PCGF5: variants seen among roughly 807,000 people sequenced by gnomAD.
PCGF5 encodes the protein polycomb group RING finger protein 5.
PCGF5 carries 9 observed loss-of-function variants against 44.3 expected under a neutral mutation model. The ratio of observed to expected loss-of-function variants is 0.20; its 90% CI spans 0.12 to 0.35. PCGF5 has a LOEUF of 0.35. PCGF5 is among the 10% of genes least tolerant of loss of function. The probability of loss-of-function intolerance (pLI) is 1.00; values close to 1 mark genes in which losing one functional copy is unlikely to be tolerated. For synonymous variants in PCGF5, 95 were observed against 102.5 expected (o/e 0.93, Z 0.44); for missense variants, 146 against 305.3 (o/e 0.48, Z 3.89).
At chr10:91,215,906 A>G (rs532017538), upstream of PCGF5, among the ~76,000 whole-genome samples, 2 of 152,350 alleles carry the variant, frequency 1.3e-5, no homozygotes, top group East Asian at 1.9e-4. Flanking sequence ...ATTTTAATTA[A>G]TAATCCAAGA....
chr10:91,179,096 A>G (rs976276103), intron 1 of PCGF5, among the ~76,000 whole-genome samples: 4 of 152,218 alleles, frequency 2.6e-5, no homozygotes, highest in Non-Finnish European at 4.4e-5. Flanking sequence ...CCTCTAGCCC[A>G]GGTAGATTAA....
In PCGF5 at chr10:91,256,681, A is replaced by G. The variant is rs1416646889; in HGVS notation, c.475-4645A>G. Among the ~76,000 whole-genome samples the G allele has an allele frequency of 2.6e-5, 4 of 152,126 alleles. No homozygotes were observed. In the East Asian group the frequency reaches 7.7e-4, roughly 29 times the overall value. ...ATTCAAAGACAAAGAGAGAATCTTG[A>G]AAGCAACAATATAAAAGTGACTCAT... On this transcript the variant is annotated intron_variant, in intron 6 of 9. Transcript: ENST00000336126.
At chr10:91,207,908 T>C (rs922063791) in intron 1 of PCGF5, among the ~76,000 whole-genome samples, 2 of 152,194 alleles carry the variant, frequency 1.3e-5, no homozygotes, top group Non-Finnish European at 2.9e-5. Flanking sequence ...CCATTATTAG[T>C]GCTGTTAGAT....
chr10:91,160,784 A>G (rs1843369639), upstream of PCGF5, among the ~76,000 whole-genome samples: 1 of 152,202 alleles, frequency 6.6e-6, no homozygotes, highest in Admixed American at 6.5e-5. Flanking sequence ...AAGGGCAAAG[A>G]GGGACAAGTA....
At chr10:91,272,271 T>C (rs1564658354) in intron 9 of PCGF5, among the ~76,000 whole-genome samples, 1 of 152,228 alleles carries the variant, frequency 6.6e-6, no homozygotes, top group Non-Finnish European at 1.5e-5. Context: ...GACAAGGGTA[T>C]AGTAAAGATT....
chr10:91,176,806 T>C (rs1025687828), intron 1 of PCGF5, among the ~76,000 whole-genome samples: 1 of 152,224 alleles, frequency 6.6e-6, no homozygotes, highest in African/African-American at 2.4e-5. Context: ...TAGCCATTCA[T>C]CTAATCTTTT....
At chr10:91,236,656 A>G (rs535969287) in intron 2 of PCGF5, among the ~76,000 whole-genome samples, 1 of 152,342 alleles carries the variant, frequency 6.6e-6, no homozygotes, top group African/African-American at 2.4e-5. Flanking sequence ...TACTGCTAGT[A>G]TGGACTTCAA....
intron 2 of PCGF5, among the ~76,000 whole-genome samples, chr10:91,223,984 G>A (rs1844749923): frequency 6.6e-6 from 1 of 151,798 alleles, no homozygotes. Flanking sequence ...TCGTTTTTCA[G>A]CTATTCTTGC....
chr10:91,182,022 G>C (rs1393240843), intron 1 of PCGF5, among the ~76,000 whole-genome samples: 1 of 152,120 alleles, frequency 6.6e-6, no homozygotes, highest in African/African-American at 2.4e-5. Context: ...AGTCTTTGGA[G>C]GGTGTATGTG....
At chr10:91,267,827 A>G (rs940967431) in intron 8 of PCGF5, among the ~76,000 whole-genome samples, 2 of 152,112 alleles carry the variant, frequency 1.3e-5, no homozygotes, top group African/African-American at 2.4e-5. Context: ...TTATTAGTCT[A>G]CCTATTGGCT....
upstream of PCGF5, among the ~76,000 whole-genome samples, chr10:91,160,368 G>T (rs557741060): frequency 5.9e-5 from 9 of 152,360 alleles, no homozygotes; most frequent in Non-Finnish European, 1.2e-4. Flanking sequence ...AGAACCGTCA[G>T]CAGTGTTGTT....
intron 5 of PCGF5, among the ~76,000 whole-genome samples, chr10:91,250,771 A>G (rs536088406): frequency 1.3e-5 from 2 of 151,920 alleles, no homozygotes; most frequent in African/African-American, 4.8e-5. Context: ...ATTAATAGCT[A>G]TATACATGTT....
At chr10:91,176,706 G>A (rs1843714510) in intron 1 of PCGF5, among the ~76,000 whole-genome samples, 1 of 152,148 alleles carries the variant, frequency 6.6e-6, no homozygotes, top group South Asian at 2.1e-4. Context: ...ATCAGCTACT[G>A]AAGCTTGTGC....
intron 1 of PCGF5, among the ~76,000 whole-genome samples, chr10:91,221,659 A>G (rs1458281323): frequency 6.6e-6 from 1 of 152,080 alleles, no homozygotes; most frequent in Non-Finnish European, 1.5e-5. Context: ...CTGTTTATAG[A>G]ATGCACTTAG....
At chr10:91,241,903 G>A (rs1845337992) in intron 3 of PCGF5, among the ~76,000 whole-genome samples, 1 of 152,150 alleles carries the variant, frequency 6.6e-6, no homozygotes, top group Admixed American at 6.6e-5. Context: ...TTAGTATCAT[G>A]TTAGAAGTGA....
rs1383520537 is a variant in PCGF5, at chr10:91,194,268, T to C, written c.-183-28421T>C. Among the ~76,000 whole-genome samples, 4 of 152,182 alleles carry C rather than the reference T, an allele frequency of 2.6e-5. No individual in the cohort carries two copies. The East Asian group carries it at 7.7e-4, about 29-fold the overall frequency. On this transcript the variant is annotated intron_variant, in intron 1 of 9. Transcript: ENST00000614189. ...TAACAACTTTGAGATGGAGAGATGA[T>C]CCTAGATTATCTGGTGGGCCCAACC...
intron 1 of PCGF5, among the ~76,000 whole-genome samples, chr10:91,169,533 A>G (rs759584981): frequency 1.3e-5 from 2 of 152,248 alleles, no homozygotes; most frequent in Non-Finnish European, 2.9e-5. Flanking sequence ...CATTTACATT[A>G]GCACCTCAGA....
At chr10:91,162,312 G>T (rs1843399897), upstream of PCGF5, among the ~76,000 whole-genome samples, 1 of 149,882 alleles carries the variant, frequency 6.7e-6, no homozygotes, top group South Asian at 2.1e-4. Flanking sequence ...TGGCGGGGGT[G>T]GGGTGGGGTG....
At chr10:91,202,955 A>G (rs1844279945) in intron 1 of PCGF5, among the ~76,000 whole-genome samples, 1 of 152,252 alleles carries the variant, frequency 6.6e-6, no homozygotes, top group Non-Finnish European at 1.5e-5. Flanking sequence ...GAAAATGACT[A>G]AAAACAATAC....
Sources: allele counts gnomAD v4.1 joint callset (sites outside exome capture counted in the v4.1 genomes callset), GRCh38; gene constraint gnomAD v4.1.1; transcripts MANE v1.5; gene names NCBI Gene and HGNC (gene_info 2026-07-23, HGNC 2026-07-21).